MNS1: variants seen among roughly 807,000 people sequenced by gnomAD.
MNS1 encodes the protein meiosis-specific nuclear structural protein 1.
MNS1 carries 63 observed loss-of-function variants against 72.0 expected under a neutral mutation model. The ratio of observed to expected loss-of-function variants is 0.87; its 90% CI spans 0.71 to 1.08. The LOEUF (loss-of-function observed/expected upper bound fraction) is 1.08, where lower values mean the gene tolerates loss of function less well. MNS1 is among the 50% of genes least tolerant of loss of function. The pLI, the probability that MNS1 is intolerant of heterozygous loss-of-function variation, is 0.00. For synonymous variants in MNS1, 188 were observed against 172.1 expected, an observed-to-expected ratio of 1.09 and a Z score of -0.72; for missense variants, 604 against 562.4, an observed-to-expected ratio of 1.07 and a Z score of -0.75.
Position 56,444,630 on chromosome 15 carries a change from T to C in MNS1, c.500A>G (p.Lys167Arg). The change falls in exon 5 of 10, where the codon AAG becomes AGG. Residue 167 changes from lysine to arginine, a missense_variant. Lys to Arg is a conservative substitution (Grantham distance 26). Coordinates refer to ENST00000260453, the MANE Select transcript of MNS1 (RefSeq NM_018365.4). ...EIAKTMMEEH[K>R]RIIKEENAAE... ...AGCATTCTCTTCCTTTATTATTCTCTTGTGTTCTTCCATCATGGTTTTGGC... is the reference window on the plus strand; with the variant it reads ...AGCATTCTCTTCCTTTATTATTCTCCTGTGTTCTTCCATCATGGTTTTGGC... The C allele has an allele frequency of 6.2e-7, 1 of 1,613,170 alleles. No individual in the cohort carries two copies. The highest frequency in any genetic ancestry group is 8.5e-7 in the Non-Finnish European group (1 of 1,179,552).
intron 3 of MNS1, among the ~76,000 whole-genome samples, chr15:56,452,522 CT>C (rs200065158): frequency 0.35 from 47,974 of 138,566 alleles, 7,391 homozygotes; most frequent in Middle Eastern, 0.46. Context: ...TTCTTTTTTT[CT>C]TTTTTTTTTT....
intron 7 of MNS1, among the ~76,000 whole-genome samples, chr15:56,435,206 T>C (rs1382027001): frequency 6.6e-6 from 1 of 151,956 alleles, no homozygotes; most frequent in Non-Finnish European, 1.5e-5. Flanking sequence ...TATATAGCAC[T>C]AAATGCATGT....
At position 56,464,222 on chromosome 15, in the gene MNS1, C is replaced by T. The variant is rs34807682; in HGVS notation, c.29G>A (p.Cys10Tyr). The T allele has an allele frequency of 0.02, 32,708 of 1,611,212 alleles. 5,265 individuals are homozygous for T. The African/African-American group carries it at 0.37, about 18-fold the overall frequency. Residue 10 changes from cysteine to tyrosine, a missense_variant, in exon 2 of 10, where the codon TGT (cysteine) becomes TAT (tyrosine). Transcript: ENST00000260453. Reference sequence around the variant, plus strand: ...TACTAATTTCTGATGCCTTTCACTACAGCTCAAATTTCTCCTTTTGGAACC... The same window carrying T: ...TACTAATTTCTGATGCCTTTCACTATAGCTCAAATTTCTCCTTTTGGAACC... The part of the protein sequence containing the change: MGSKRRNLS[C>Y]SERHQKLVDE...
At chr15:56,460,005 A>ATATATATATATATATATATAT (rs1374166252) in intron 2 of MNS1, among the ~76,000 whole-genome samples, 7 of 30,512 alleles carry the variant, frequency 2.3e-4, no homozygotes, top group African/African-American at 8.3e-4. Context: ...AAAAAAAAAA[A>ATATATATATATATATATATAT]AAAAATACAT....
At chr15:56,432,852 A>G (rs1453466424) in intron 8 of MNS1, among the ~76,000 whole-genome samples, 1 of 152,148 alleles carries the variant, frequency 6.6e-6, no homozygotes, top group Non-Finnish European at 1.5e-5. Flanking sequence ...CCTACTTTGT[A>G]TAGTTTTAAA....
At chr15:56,434,807 C>T (rs1351414114) in intron 7 of MNS1, among the ~76,000 whole-genome samples, 3 of 152,036 alleles carry the variant, frequency 2.0e-5, no homozygotes, top group African/African-American at 7.2e-5. Context: ...TTCCAACCTC[C>T]TCCTCAAAAT....
At chr15:56,454,826 C>A (rs2050970573) in intron 3 of MNS1, among the ~76,000 whole-genome samples, 2 of 152,112 alleles carry the variant, frequency 1.3e-5, no homozygotes, top group South Asian at 2.1e-4. Flanking sequence ...TCTCTCCATG[C>A]TTTATTCTGA....
chr15:56,455,383 C>T (rs1206456448), intron 3 of MNS1, among the ~76,000 whole-genome samples: 4 of 151,586 alleles, frequency 2.6e-5, no homozygotes, highest in African/African-American at 7.3e-5. Context: ...GATCGGTAAT[C>T]TCTTAGAGAA....
chr15:56,444,436 A>G lies in MNS1; in HGVS notation c.686+8T>C, dbSNP rs761304057. Reference sequence around the variant, plus strand: ...TTTAGACATGTAAGAAAGTTAGGATAAACTTACAACTGATCTTCTTCATAG... The same window carrying G: ...TTTAGACATGTAAGAAAGTTAGGATGAACTTACAACTGATCTTCTTCATAG... On this transcript the variant is annotated splice_region_variant and intron_variant, in intron 5 of 9. Transcript: ENST00000260453. 6.3e-7 allele frequency: 1 copy of G among 1,595,350 alleles called. No individual in the cohort carries two copies. Among genetic ancestry groups the G allele is most frequent in the African/African-American group, 1.4e-5 (1 of 73,856 alleles).
chr15:56,428,756 G>T lies in MNS1; in HGVS notation c.*345C>A. 2.9e-6 allele frequency: 1 copy of T among 349,992 alleles called. No individual in the cohort carries two copies. The highest frequency in any genetic ancestry group is 5.1e-6 in the Non-Finnish European group (1 of 194,420). The allele number at this position is 349,992 out of a possible 1,614,324, so 21.7% of individuals were successfully genotyped here. A position where few individuals can be genotyped will look rare whatever the true frequency, so the allele number is the denominator to read the frequency against. On this transcript the variant is annotated 3_prime_UTR_variant, in exon 10 of 10. Transcript: ENST00000260453. ...GAAAATTCCAAATATTTATTTCCCTGGCTAAATCAAGTAAGTAAAGTTCGT... is the reference window on the plus strand; with the variant it reads ...GAAAATTCCAAATATTTATTTCCCTTGCTAAATCAAGTAAGTAAAGTTCGT...
chr15:56,461,199 C>T (rs897620532), intron 2 of MNS1, among the ~76,000 whole-genome samples: 1 of 151,918 alleles, frequency 6.6e-6, no homozygotes, highest in African/African-American at 2.4e-5. Flanking sequence ...GATTTAAATG[C>T]TAATCTCATC....
chr15:56,440,695 T>TA (rs1203139221), intron 7 of MNS1, among the ~76,000 whole-genome samples: 1 of 151,904 alleles, frequency 6.6e-6, no homozygotes, highest in African/African-American at 2.4e-5. Flanking sequence ...TTATGCTGAA[T>TA]AAAAAAAAGC....
At chr15:56,463,993 A>C in intron 2 of MNS1, 33 bp downstream of exon 2, 2 of 1,478,330 alleles carry the variant, frequency 1.4e-6, no homozygotes, top group Middle Eastern at 1.8e-4. Context: ...GTGCAAAATG[A>C]AAAAAAAAGT....
At chr15:56,433,379 TAACA>T (rs1221746157) in intron 8 of MNS1, among the ~76,000 whole-genome samples, 2 of 151,360 alleles carry the variant, frequency 1.3e-5, no homozygotes, top group African/African-American at 4.9e-5. Context: ...TATACCTGTG[TAACA>T]AACCTGCATG....
rs577279424 is a variant in MNS1, at chr15:56,465,057, CG to C, written c.-86del. On this transcript the variant is annotated 5_prime_UTR_variant, in exon 1 of 10. Coordinates refer to ENST00000260453, the MANE Select transcript of MNS1 (RefSeq NM_018365.4). Reference sequence around the variant, plus strand: ...CGCAGCAGCCAGCAGCCCCAAGGAGCGCACCTGGCTGCGCGCGCTCGGGTGT... The same window carrying C: ...CGCAGCAGCCAGCAGCCCCAAGGAGCCACCTGGCTGCGCGCGCTCGGGTGT... The C allele has an allele frequency of 8.9e-5, 139 of 1,553,796 alleles. 2 individuals carry two copies. The South Asian group carries it at 1.5e-3, about 17-fold the overall frequency.
At chr15:56,445,534 T>C (rs1022826976) in intron 4 of MNS1, 2 of 152,056 alleles carry the variant, frequency 1.3e-5, no homozygotes, top group East Asian at 1.9e-4. Flanking sequence ...ACTCTGATAA[T>C]ATGACTTGAC....
At chr15:56,458,641 T>C (rs960029655) in intron 2 of MNS1, among the ~76,000 whole-genome samples, 2 of 152,172 alleles carry the variant, frequency 1.3e-5, no homozygotes, top group Non-Finnish European at 2.9e-5. Flanking sequence ...TAAAAACAAC[T>C]TACATTTTTA....
chr15:56,437,303 A>G (rs892851469), intron 7 of MNS1, among the ~76,000 whole-genome samples: 1 of 152,144 alleles, frequency 6.6e-6, no homozygotes, highest in African/African-American at 2.4e-5. Context: ...AGGCAAGGCT[A>G]TTTCAACATA....
chr15:56,455,999 G>T lies in MNS1; in HGVS notation c.353+395C>A, dbSNP rs186267962. ...TAACATTAAGACTAAAGTTCCTACT[G>T]CAGTTACTAGAGGTACTGAAACACA... On this transcript the variant is annotated intron_variant, in intron 3 of 9. Transcript: ENST00000260453. 2.0e-5 allele frequency among the ~76,000 whole-genome samples: 3 copies of T among 152,210 alleles called. No homozygotes were observed. In the East Asian group the frequency reaches 5.8e-4, roughly 29 times the overall value.
Sources: gnomAD v4.1 joint callset for allele counts (sites outside exome capture counted in the v4.1 genomes callset) on GRCh38, gnomAD v4.1.1 for gene constraint, MANE v1.5 for transcripts, NCBI Gene and HGNC (gene_info 2026-07-23, HGNC 2026-07-21) for gene names.